The following CCDC73 variants were observed in gnomAD, a reference collection of about 807,000 sequenced individuals.
The protein encoded by CCDC73 is coiled-coil domain-containing protein 73.
CCDC73 carries 95 observed loss-of-function variants against 116.5 expected under a neutral mutation model. The ratio of observed to expected loss-of-function variants is 0.82; its 90% CI spans 0.69 to 0.97. The LOEUF is 0.97. Ranked by LOEUF, CCDC73 falls within the 50% of genes least tolerant of loss-of-function variation. CCDC73 has a pLI of 0.00. For synonymous variants in CCDC73, 398 were observed against 401.3 expected (o/e 0.99, Z 0.10); for missense variants, 1,066 against 1,206.8 (o/e 0.88, Z 1.73).
chr11:32,752,723 G>C (rs998316958), intron 2 of CCDC73, among the ~76,000 whole-genome samples: 2 of 152,040 alleles, frequency 1.3e-5, no homozygotes, highest in Non-Finnish European at 2.9e-5. Context: ...TCATTTTTCT[G>C]TTGGGTTGTT....
rs1205149887 is a variant in CCDC73, at chr11:32,739,963, G to C, written c.135+20146C>G. Among the ~76,000 whole-genome samples, 6 of 152,082 alleles carry C rather than the reference G, an allele frequency of 3.9e-5. No homozygotes were observed. The South Asian group carries it at 1.2e-3, about 32-fold the overall frequency. On this transcript the variant is annotated intron_variant, in intron 2 of 17. Coordinates refer to ENST00000335185, the MANE Select transcript of CCDC73 (RefSeq NM_001008391.4). ...TAGTTATATGTTTGTCCTTCATTCTGTTGATATGCTATATCACATTGATTT... is the reference window on the plus strand; with the variant it reads ...TAGTTATATGTTTGTCCTTCATTCTCTTGATATGCTATATCACATTGATTT...
the CCDC73 span, among the ~76,000 whole-genome samples, chr11:32,823,821 C>G: frequency 2.4e-4 from 36 of 152,070 alleles, no homozygotes; most frequent in Non-Finnish European, 4.4e-4. Context: ...CTCAGTGCAG[C>G]CCTGATCTCC....
chr11:32,760,647 C>T (rs749629155), intron 1 of CCDC73, among the ~76,000 whole-genome samples: 4 of 152,178 alleles, frequency 2.6e-5, no homozygotes, highest in Non-Finnish European at 4.4e-5. Context: ...TAGTAACATG[C>T]AATCTTTAAA....
At chr11:32,807,481 A>T in the CCDC73 span, among the ~76,000 whole-genome samples, 1 of 152,212 alleles carries the variant, frequency 6.6e-6, no homozygotes, top group African/African-American at 2.4e-5. Flanking sequence ...CATGCCATAC[A>T]TAAAGTTTGT....
At chr11:32,646,679 AATG>A (rs1275211134) in intron 12 of CCDC73, among the ~76,000 whole-genome samples, 1 of 152,160 alleles carries the variant, frequency 6.6e-6, no homozygotes, top group Non-Finnish European at 1.5e-5. Flanking sequence ...AAAATTTCAT[AATG>A]ATATGCATTG....
chr11:32,694,845 T>A (rs976018277), intron 6 of CCDC73, among the ~76,000 whole-genome samples: 4 of 152,154 alleles, frequency 2.6e-5, no homozygotes, highest in African/African-American at 9.7e-5. Context: ...AGGTGCCTCA[T>A]GTCACTAAGG....
chr11:32,755,566 CATATATATCCATATATATGTGTGTAT>C (rs1850327629), intron 2 of CCDC73, among the ~76,000 whole-genome samples: 1 of 69,346 alleles, frequency 1.4e-5, no homozygotes, highest in Non-Finnish European at 2.9e-5. Flanking sequence ...TATATATGTA[CATATATATCCATATATATGTGTGTAT>C]ATATATATCC....
At chr11:32,809,803 T>C in the CCDC73 span, among the ~76,000 whole-genome samples, 1 of 152,236 alleles carries the variant, frequency 6.6e-6, no homozygotes, top group Non-Finnish European at 1.5e-5. Flanking sequence ...ATGAGAACAA[T>C]ACTTGCTCCT....
chr11:32,822,651 C>T, the CCDC73 span, among the ~76,000 whole-genome samples: 3 of 151,428 alleles, frequency 2.0e-5, no homozygotes, highest in African/African-American at 7.3e-5. Flanking sequence ...GTGGCAATTT[C>T]ATATTATTAA....
chr11:32,781,530 A>G (rs1405740610), intron 1 of CCDC73, among the ~76,000 whole-genome samples: 1 of 152,104 alleles, frequency 6.6e-6, no homozygotes, highest in Non-Finnish European at 1.5e-5. Flanking sequence ...CAAAAACAGG[A>G]TGATTACTTG....
intron 16 of CCDC73, among the ~76,000 whole-genome samples, chr11:32,612,221 T>C (rs1855427962): frequency 6.6e-6 from 1 of 152,172 alleles, no homozygotes; most frequent in Non-Finnish European, 1.5e-5. Context: ...GGTGTCTAAG[T>C]GCACAATGTT....
chr11:32,734,451 AT>A (rs1850110003), intron 2 of CCDC73, among the ~76,000 whole-genome samples: 3 of 125,404 alleles, frequency 2.4e-5, no homozygotes, highest in Non-Finnish European at 5.0e-5. Context: ...TTTATTGATC[AT>A]TCTTGGGTGT....
At chr11:32,789,496 G>T (rs1850657329) in intron 1 of CCDC73, among the ~76,000 whole-genome samples, 1 of 152,072 alleles carries the variant, frequency 6.6e-6, no homozygotes, top group Non-Finnish European at 1.5e-5. Flanking sequence ...CCAGGCTGGG[G>T]TTGTTGGCTC....
Position 32,603,004 on chromosome 11 carries a change from A to G in CCDC73, c.3047T>C (p.Leu1016Pro), listed in dbSNP as rs189944824. The G allele has an allele frequency of 5.0e-6, 8 of 1,597,220 alleles. No individual in the cohort carries two copies. The highest frequency in any genetic ancestry group is 6.8e-6 in the Non-Finnish European group (8 of 1,175,974). ...ATGGCTTTGTAGTGGAGTTGATATCAGAGGCTTTGTTTTCACCTGGGAAAG... is the reference window on the plus strand; with the variant it reads ...ATGGCTTTGTAGTGGAGTTGATATCGGAGGCTTTGTTTTCACCTGGGAAAG... ...FPTEHVKTKP[L>P]ISTPLQSHLQ... The change falls in exon 18 of 18, where the codon CTG (leucine) becomes CCG (proline). Residue 1016 changes from leucine (L) to proline (P), a missense_variant. Transcript: ENST00000335185.
intron 9 of CCDC73, among the ~76,000 whole-genome samples, chr11:32,666,153 TC>T (rs1855979086): frequency 6.6e-6 from 1 of 152,200 alleles, no homozygotes; most frequent in Non-Finnish European, 1.5e-5. Context: ...GTTGCTCTTC[TC>T]AAAGAGTATC....
chr11:32,611,059 T>C, intron 17 of CCDC73, 73 bp downstream of exon 17: 2 of 1,442,314 alleles, frequency 1.4e-6, no homozygotes, highest in Non-Finnish European at 1.9e-6. Flanking sequence ...AGCATCCAGA[T>C]GCGTACAGTT....
chr11:32,733,357 C>T (rs967650142), intron 2 of CCDC73, among the ~76,000 whole-genome samples: 2 of 152,132 alleles, frequency 1.3e-5, no homozygotes, highest in Non-Finnish European at 2.9e-5. Context: ...TTAGACAGAT[C>T]AACAAAACAG....
rs369735523 is a variant in CCDC73 at position 32,614,121 on chromosome 11, T to C, written c.2197A>G (p.Met733Val). The C allele has an allele frequency of 6.2e-7, 1 of 1,613,638 alleles. No individual in the cohort carries two copies. The highest frequency in any genetic ancestry group is 8.5e-7 in the Non-Finnish European group (1 of 1,179,800). The change falls in exon 16 of 18, where the codon ATG (methionine) becomes GTG (valine). Residue 733 changes from methionine to valine, a missense_variant. By Grantham distance (21) the Met-to-Val change is conservative. Coordinates refer to ENST00000335185, the MANE Select transcript of CCDC73 (RefSeq NM_001008391.4). ...GAGTTAGGTTTCACCAACATAGACA[T>C]ACTATGGACATTTTTATCTGAGTTC... is the stretch of plus-strand genomic sequence containing the variant. ...LKNSDKNVHS[M>V]SMLVKPNSSP...
chr11:32,630,614 A>C (rs1855623170), intron 14 of CCDC73, among the ~76,000 whole-genome samples: 1 of 152,212 alleles, frequency 6.6e-6, no homozygotes, highest in Non-Finnish European at 1.5e-5. Flanking sequence ...AAGTGCTGGG[A>C]TTACAGGCAT....
Sources: gnomAD v4.1 joint callset for allele counts (sites outside exome capture counted in the v4.1 genomes callset) on GRCh38, gnomAD v4.1.1 for gene constraint, MANE v1.5 for transcripts, NCBI Gene and HGNC (gene_info 2026-07-23, HGNC 2026-07-21) for gene names.